DLG2: variants seen among roughly 807,000 people sequenced by gnomAD.
The protein encoded by DLG2 is disks large homolog 2.
A neutral mutation model predicts 132.5 loss-of-function variants in DLG2; 45 were observed. That is an observed-to-expected ratio of 0.34 (90% CI 0.27 to 0.44). The LOEUF (loss-of-function observed/expected upper bound fraction) is 0.44, where lower values mean the gene tolerates loss of function less well. Ranked by LOEUF, DLG2 falls within the 20% of genes least tolerant of loss-of-function variation. The pLI, the probability that DLG2 is intolerant of heterozygous loss-of-function variation, is 1.00. For synonymous variants in DLG2, 424 were observed against 419.6 expected (o/e 1.01, Z -0.13); for missense variants, 1,045 against 1,196.9 (o/e 0.87, Z 1.87).
intron 6 of DLG2, among the ~76,000 whole-genome samples, chr11:84,694,946 T>C (rs1193098469): frequency 2.0e-5 from 3 of 151,610 alleles, no homozygotes; most frequent in Non-Finnish European, 4.4e-5. Context: ...TATTAACAGT[T>C]AACATGTAAA....
chr11:85,604,259 G>C (rs994779960), intron 2 of DLG2, among the ~76,000 whole-genome samples: 7 of 152,132 alleles, frequency 4.6e-5, no homozygotes, highest in Non-Finnish European at 1.5e-5. Flanking sequence ...ATCTAGGGCT[G>C]GAATTGTGGC....
chr11:83,558,035 ATGTATTCAAG>A (rs2096549195), intron 19 of DLG2, among the ~76,000 whole-genome samples: 2 of 152,220 alleles, frequency 1.3e-5, no homozygotes, highest in Non-Finnish European at 2.9e-5. Flanking sequence ...GCAGAGAAAT[ATGTATTCAAG>A]TGAAGTAATT....
chr11:83,935,025 T>TA (rs995710075), intron 14 of DLG2, among the ~76,000 whole-genome samples: 3 of 152,218 alleles, frequency 2.0e-5, no homozygotes, highest in African/African-American at 7.2e-5. Context: ...CTGATATGGC[T>TA]AAATCTGCAG....
intron 5 of DLG2, among the ~76,000 whole-genome samples, chr11:85,112,391 A>T (rs1268011316): frequency 6.6e-6 from 1 of 152,032 alleles, no homozygotes; most frequent in Admixed American, 6.6e-5. Context: ...TTTACTTCTA[A>T]TTGGCTTTTA....
At chr11:84,423,597 A>G (rs2154466621) in intron 7 of DLG2, among the ~76,000 whole-genome samples, 2 of 152,310 alleles carry the variant, frequency 1.3e-5, no homozygotes, top group Middle Eastern at 6.8e-3. Context: ...ACACTGTTGA[A>G]TGTTGAGTAC....
At chr11:85,583,332 TTTG>T (rs982387452) in intron 3 of DLG2, among the ~76,000 whole-genome samples, 1 of 148,258 alleles carries the variant, frequency 6.7e-6, no homozygotes, top group African/African-American at 2.5e-5. Context: ...TGACCAGCTT[TTTG>T]TTGTTGTTGT....
rs747745832 is a variant in DLG2, at chr11:85,308,155, A to AAAAATAAAATAAAAT, written c.41-22805_41-22791dup. 7.2e-3 allele frequency among the ~76,000 whole-genome samples: 347 copies of AAAAATAAAATAAAAT among 47,914 alleles called. 1 individual carries two copies. The highest frequency in any genetic ancestry group is 0.011 in the African/African-American group (165 of 15,472). 31.4% of individuals were successfully genotyped at this position (47,914 alleles called of 152,430 possible). A position where few individuals can be genotyped will look rare whatever the true frequency, so the allele number is the denominator to read the frequency against. ...GGTGACAGAGCGAGACTCTGTCTCA[A>AAAAATAAAATAAAAT]AAAATAAAATAAAATAAAATAAAAT... On this transcript the variant is annotated intron_variant, in intron 3 of 27. Transcript: ENST00000376104.
At chr11:84,674,504 C>A (rs527730811) in intron 6 of DLG2, among the ~76,000 whole-genome samples, 1 of 152,088 alleles carries the variant, frequency 6.6e-6, no homozygotes, top group African/African-American at 2.4e-5. Flanking sequence ...CTTCTTCAAT[C>A]TCCCATTCAA....
intron 6 of DLG2, among the ~76,000 whole-genome samples, chr11:84,570,063 T>C (rs1014431483): frequency 6.6e-6 from 1 of 152,128 alleles, no homozygotes; most frequent in Non-Finnish European, 1.5e-5. Flanking sequence ...TTCAAATAAC[T>C]AATAACCAAA....
chr11:84,238,318 C>T lies in DLG2; in HGVS notation c.573+12920G>A, dbSNP rs575332584. Among the ~76,000 whole-genome samples the T allele has an allele frequency of 1.8e-4, 27 of 152,100 alleles. No homozygotes were observed. The South Asian group carries it at 5.4e-3, about 30-fold the overall frequency. ...TTGCTTGAGCCTGGGAATTCAAGAC[C>T]AGCCTGGGCAACATGGCAAAACTCT... On this transcript the variant is annotated intron_variant, in intron 8 of 27. Transcript: ENST00000376104.
intron 21 of DLG2, among the ~76,000 whole-genome samples, chr11:83,484,828 G>C (rs969732099): frequency 6.6e-6 from 1 of 151,998 alleles, no homozygotes; most frequent in South Asian, 2.1e-4. Flanking sequence ...GTAGATTTAT[G>C]GTATAATTAC....
intron 18 of DLG2, among the ~76,000 whole-genome samples, chr11:83,688,723 T>A (rs566381980): frequency 6.6e-6 from 1 of 152,344 alleles, no homozygotes; most frequent in East Asian, 1.9e-4. Flanking sequence ...TGATTGTGTG[T>A]ACCTTCTTCA....
chr11:84,577,777 C>G (rs1277189355), intron 6 of DLG2, among the ~76,000 whole-genome samples: 1 of 152,144 alleles, frequency 6.6e-6, no homozygotes, highest in Non-Finnish European at 1.5e-5. Context: ...ATTTGCATAA[C>G]TATGCAGGAC....
intron 6 of DLG2, among the ~76,000 whole-genome samples, chr11:84,643,897 C>T (rs933607212): frequency 6.6e-6 from 1 of 152,128 alleles, no homozygotes. Context: ...ATCATTGTGC[C>T]AGGTAGTTTA....
intron 17 of DLG2, among the ~76,000 whole-genome samples, chr11:83,801,995 T>C (rs1256699946): frequency 6.6e-6 from 1 of 152,190 alleles, no homozygotes. Context: ...AGAAGGCATT[T>C]GTCCTCTAGG....
intron 9 of DLG2, among the ~76,000 whole-genome samples, chr11:84,104,491 A>G (rs565447074): frequency 6.6e-6 from 1 of 152,254 alleles, no homozygotes; most frequent in East Asian, 1.9e-4. Flanking sequence ...TTGTTAGGTG[A>G]TAGGTTCAAT....
intron 6 of DLG2, among the ~76,000 whole-genome samples, chr11:85,061,355 G>T (rs2064114623): frequency 6.6e-6 from 1 of 151,458 alleles, no homozygotes; most frequent in Non-Finnish European, 1.5e-5. Flanking sequence ...ATTATTTCAA[G>T]AATACATACA....
chr11:83,587,057 A>G (rs2097098302), intron 19 of DLG2, among the ~76,000 whole-genome samples: 1 of 152,196 alleles, frequency 6.6e-6, no homozygotes, highest in Non-Finnish European at 1.5e-5. Flanking sequence ...CCTGTTCACA[A>G]AGGGTGTTGT....
Position 84,416,319 on chromosome 11 carries a change from A to C in DLG2, c.519+118251T>G, listed in dbSNP as rs1040033415. 3.3e-5 allele frequency among the ~76,000 whole-genome samples: 5 copies of C among 152,236 alleles called. No homozygotes were observed. The South Asian group carries it at 1.0e-3, about 31-fold the overall frequency. Reference sequence around the variant, plus strand: ...AAACTGAATGTCACATTTTCCATCCAAGAAAAATCAGTGTTTCCAGAGATG... The same window carrying C: ...AAACTGAATGTCACATTTTCCATCCCAGAAAAATCAGTGTTTCCAGAGATG... On this transcript the variant is annotated intron_variant, in intron 7 of 27. Transcript: ENST00000376104.
Sources: allele counts gnomAD v4.1 joint callset (sites outside exome capture counted in the v4.1 genomes callset), GRCh38; gene constraint gnomAD v4.1.1; transcripts MANE v1.5; gene names NCBI Gene and HGNC (gene_info 2026-07-23, HGNC 2026-07-21).